The following KLF12 variants were observed in gnomAD, a reference collection of about 807,000 sequenced individuals.
KLF12 encodes Krueppel-like factor 12.
In KLF12, 9 loss-of-function variants were observed where a neutral mutation model predicts 37.8. That is an observed-to-expected ratio of 0.24 (90% CI 0.14 to 0.42). The LOEUF (loss-of-function observed/expected upper bound fraction) is 0.42, where lower values mean the gene tolerates loss of function less well. Ranked by LOEUF, KLF12 falls within the 10% of genes least tolerant of loss-of-function variation. The probability of loss-of-function intolerance (pLI) is 1.00; values close to 1 mark genes in which losing one functional copy is unlikely to be tolerated. For missense variants in KLF12, 411 were observed against 516.0 expected, an observed-to-expected ratio of 0.80 and a Z score of 1.97; for synonymous variants, 208 against 202.1, an observed-to-expected ratio of 1.03 and a Z score of -0.25.
At chr13:73,836,304 A>G (rs904062048) in intron 4 of KLF12, among the ~76,000 whole-genome samples, 1 of 152,194 alleles carries the variant, frequency 6.6e-6, no homozygotes, top group African/African-American at 2.4e-5. Flanking sequence ...AGAGCTGAGA[A>G]AATAGTAACA....
chr13:74,098,714 A>C (rs1439265959), intron 1 of KLF12, among the ~76,000 whole-genome samples: 2 of 152,256 alleles, frequency 1.3e-5, no homozygotes. Context: ...GAACCATTAT[A>C]CAAATCAGAC....
intron 6 of KLF12, among the ~76,000 whole-genome samples, chr13:73,720,477 T>C (rs1344135406): frequency 6.6e-6 from 1 of 152,222 alleles, no homozygotes; most frequent in East Asian, 1.9e-4. Flanking sequence ...CTTGTAACTG[T>C]GTTCCCAAAT....
the KLF12 span, among the ~76,000 whole-genome samples, chr13:74,278,872 C>T: frequency 6.6e-6 from 1 of 152,160 alleles, no homozygotes; most frequent in African/African-American, 2.4e-5. Context: ...CTGTTAAGAA[C>T]ACTAATTAAG....
chr13:74,188,981 T>C, the KLF12 span, among the ~76,000 whole-genome samples: 3 of 152,072 alleles, frequency 2.0e-5, no homozygotes, highest in Non-Finnish European at 4.4e-5. Context: ...TGGGGGTTCT[T>C]GAGACAGCAA....
At chr13:74,086,068 T>TA (rs56344924) in intron 1 of KLF12, among the ~76,000 whole-genome samples, 151,403 of 151,404 alleles carry the variant, frequency 1, 75,701 homozygotes, top group Middle Eastern at 1. Flanking sequence ...GTTTAAACTT[T>TA]AAAATCAATT....
intron 1 of KLF12, among the ~76,000 whole-genome samples, chr13:74,056,223 G>A (rs533013323): frequency 8.5e-5 from 13 of 152,298 alleles, no homozygotes; most frequent in Admixed American, 8.5e-4. Context: ...AGCCCACACT[G>A]TGATTTAAAG....
At chr13:74,231,914 A>G in the KLF12 span, among the ~76,000 whole-genome samples, 1 of 152,224 alleles carries the variant, frequency 6.6e-6, no homozygotes, top group Non-Finnish European at 1.5e-5. Context: ...TTTGTATATT[A>G]AGGAGAAAAA....
At chr13:74,044,504 A>C (rs1479910300) in intron 1 of KLF12, among the ~76,000 whole-genome samples, 1 of 152,138 alleles carries the variant, frequency 6.6e-6, no homozygotes, top group African/African-American at 2.4e-5. Flanking sequence ...AATGTTTGAC[A>C]TACAATAAGG....
the KLF12 span, among the ~76,000 whole-genome samples, chr13:74,260,591 A>ATAAGATAAGATAAGATAAGATAAG: frequency 3.6e-5 from 4 of 110,978 alleles, no homozygotes; most frequent in African/African-American, 2.5e-4. Flanking sequence ...AATAAAATAA[A>ATAAGATAAGATAAGATAAGATAAG]ATAAAATAAA....
chr13:74,114,382 A>G (rs1877162193), intron 1 of KLF12, among the ~76,000 whole-genome samples: 1 of 152,196 alleles, frequency 6.6e-6, no homozygotes, highest in Non-Finnish European at 1.5e-5. Context: ...ATAGGTCATT[A>G]TAATGTAAAC....
intron 1 of KLF12, among the ~76,000 whole-genome samples, chr13:74,049,535 A>G (rs992713536): frequency 3.3e-5 from 5 of 152,364 alleles, no homozygotes; most frequent in Non-Finnish European, 7.3e-5. Context: ...TCATTAAAAA[A>G]GTGTTATTCT....
intron 2 of KLF12, among the ~76,000 whole-genome samples, chr13:73,984,109 C>T (rs1463258297): frequency 6.6e-6 from 1 of 152,102 alleles, no homozygotes; most frequent in Non-Finnish European, 1.5e-5. Flanking sequence ...GGGAGGACAG[C>T]AAGCAGGTAG....
intron 5 of KLF12, chr13:73,800,587 T>C (rs541473178): frequency 3.3e-5 from 5 of 152,198 alleles, no homozygotes; most frequent in African/African-American, 1.2e-4. Context: ...TCATGTGATT[T>C]CATTCACATT....
At chr13:74,243,171 G>A in the KLF12 span, among the ~76,000 whole-genome samples, 1 of 151,826 alleles carries the variant, frequency 6.6e-6, no homozygotes, top group Non-Finnish European at 1.5e-5. Context: ...TGTTCTCATT[G>A]TTCAACTCCC....
rs1162806115 is a variant in KLF12, at chr13:73,712,853, ACTT to A, written c.1027+2512_1027+2514del. Among the ~76,000 whole-genome samples the A allele has an allele frequency of 2.6e-5, 4 of 152,324 alleles. No homozygotes were observed. In the East Asian group the frequency reaches 7.7e-4, roughly 29 times the overall value. On this transcript the variant is annotated intron_variant, in intron 7 of 7. Coordinates refer to ENST00000377669, the MANE Select transcript of KLF12 (RefSeq NM_007249.5). ...GCAATGAAGTGCTTTTTAATTATGT[ACTT>A]TTTTTAGACAATGCTATTGCACACT...
chr13:74,036,728 A>G (rs921712770), intron 1 of KLF12, among the ~76,000 whole-genome samples: 4 of 152,222 alleles, frequency 2.6e-5, no homozygotes, highest in African/African-American at 9.6e-5. Flanking sequence ...GAAATTCCCA[A>G]GGAAGTTCCA....
In KLF12 at chr13:73,730,212, G is replaced by A. The variant is rs1011335600; in HGVS notation, c.870-14687C>T. On this transcript the variant is annotated intron_variant, in intron 6 of 7. Coordinates refer to ENST00000377669, the MANE Select transcript of KLF12 (RefSeq NM_007249.5). ...CTTGACTGCCTCTGTGCTGCTCACTGGTCTCACCCAGCCTCAGGCTCTTTG... is the reference window on the plus strand; with the variant it reads ...CTTGACTGCCTCTGTGCTGCTCACTAGTCTCACCCAGCCTCAGGCTCTTTG... Among the ~76,000 whole-genome samples the A allele has an allele frequency of 4.6e-5, 7 of 152,102 alleles. No homozygotes were observed. In the South Asian group the frequency reaches 6.2e-4, roughly 14 times the overall value.
chr13:74,105,928 C>T (rs1047935025), intron 1 of KLF12, among the ~76,000 whole-genome samples: 3 of 152,136 alleles, frequency 2.0e-5, no homozygotes, highest in Non-Finnish European at 4.4e-5. Flanking sequence ...CTTAGTGTCA[C>T]CTCTTATTGT....
At chr13:74,075,013 T>A (rs1874486951) in intron 1 of KLF12, among the ~76,000 whole-genome samples, 1 of 152,138 alleles carries the variant, frequency 6.6e-6, no homozygotes, top group Admixed American at 6.6e-5. Flanking sequence ...AACTCAAATG[T>A]AAGAAGGATT....
Sources: allele counts gnomAD v4.1 joint callset (sites outside exome capture counted in the v4.1 genomes callset), GRCh38; gene constraint gnomAD v4.1.1; transcripts MANE v1.5; gene names NCBI Gene and HGNC (gene_info 2026-07-23, HGNC 2026-07-21).